Variants in DAB1 observed in about 807,000 individuals in gnomAD.
The protein encoded by DAB1 is disabled homolog 1.
Under a neutral mutation model 64.6 loss-of-function variants are expected in DAB1, and 15 were observed. That is an observed-to-expected ratio of 0.23 (90% CI 0.16 to 0.36). The LOEUF (loss-of-function observed/expected upper bound fraction) is 0.36. Among genes scored for constraint, DAB1 ranks in the 10% least tolerant of loss-of-function variants. DAB1 has a pLI of 1.00. For missense variants in DAB1, 596 were observed against 706.7 expected (o/e 0.84, Z 1.78); for synonymous variants, 235 against 251.9 (o/e 0.93, Z 0.64).
intron 1 of DAB1, among the ~76,000 whole-genome samples, chr1:57,422,255 A>G (rs1684971351): frequency 6.6e-6 from 1 of 152,142 alleles, no homozygotes; most frequent in Non-Finnish European, 1.5e-5. Flanking sequence ...AGTGTATTTA[A>G]CCGGCCAGCA....
intron 1 of DAB1, among the ~76,000 whole-genome samples, chr1:57,344,255 A>G (rs559888360): frequency 6.6e-6 from 1 of 152,138 alleles, no homozygotes; most frequent in Non-Finnish European, 1.5e-5. Flanking sequence ...CATCTGATTC[A>G]TTTTGTAACC....
chr1:58,377,729 C>T (rs1557743845), intron 3 of DAB1, among the ~76,000 whole-genome samples: 1 of 138,242 alleles, frequency 7.2e-6, no homozygotes, highest in Non-Finnish European at 1.6e-5. Context: ...GTTGGCCTGC[C>T]TTGCTAGATT....
chr1:57,116,119 A>T (rs905514984), intron 4 of DAB1, among the ~76,000 whole-genome samples: 2 of 152,070 alleles, frequency 1.3e-5, no homozygotes, highest in Non-Finnish European at 2.9e-5. Context: ...ACTGTTGGGG[A>T]CACGCTTCTC....
rs561279946 is a variant in DAB1 at position 57,667,137 on chromosome 1, A to C, written n.552-17472T>G. Among the ~76,000 whole-genome samples, 6 of 152,280 alleles carry C rather than the reference A, an allele frequency of 3.9e-5. No individual in the cohort carries two copies. The South Asian group carries it at 1.2e-3, about 32-fold the overall frequency. ...TGCATTGGGTATTCCATCTAATCAC[A>C]AACAAATTCTTCCAGATAGTGTGTG... is the stretch of plus-strand genomic sequence containing the variant. On this transcript the variant is annotated intron_variant and non_coding_transcript_variant, in intron 6 of 20. Coordinates refer to the DAB1 transcript ENST00000485760.
chr1:57,148,919 A>G (rs1273659465), intron 2 of DAB1, among the ~76,000 whole-genome samples: 5 of 152,176 alleles, frequency 3.3e-5, no homozygotes, highest in Non-Finnish European at 7.3e-5. Flanking sequence ...TAGTCACAGA[A>G]TTGTATAACC....
At chr1:57,604,142 T>C (rs61637910) in intron 7 of DAB1, among the ~76,000 whole-genome samples, 1 of 152,176 alleles carries the variant, frequency 6.6e-6, no homozygotes, top group Non-Finnish European at 1.5e-5. Context: ...GTGGTGTTTG[T>C]GGAATGCACA....
intron 1 of DAB1, among the ~76,000 whole-genome samples, chr1:57,373,217 A>C (rs1343911540): frequency 6.6e-6 from 1 of 151,992 alleles, no homozygotes; most frequent in Non-Finnish European, 1.5e-5. Context: ...TGAAAGAAAG[A>C]AATGAAGATG....
At chr1:58,536,767 T>C (rs1008187363) in intron 1 of DAB1, 5 of 862,736 alleles carry the variant, frequency 5.8e-6, no homozygotes, top group Non-Finnish European at 1.0e-5. Context: ...AAATTCAAAG[T>C]TCTGAAAATC....
At chr1:57,790,972 A>G (rs1295695484) in intron 6 of DAB1, among the ~76,000 whole-genome samples, 1 of 152,238 alleles carries the variant, frequency 6.6e-6, no homozygotes, top group Non-Finnish European at 1.5e-5. Flanking sequence ...TATTAGTGAC[A>G]ATAGTCATTG....
chr1:57,269,473 GC>G (rs1238678934), intron 2 of DAB1, among the ~76,000 whole-genome samples: 1 of 152,110 alleles, frequency 6.6e-6, no homozygotes, highest in Non-Finnish European at 1.5e-5. Flanking sequence ...GCCCCCTGAA[GC>G]TGTCACCCCC....
rs760050096 is a variant in DAB1, at chr1:57,918,652, G to A, written n.388-34490C>T. ...ATCCTGGCTAACACAGTGAAACCCC[G>A]TCTCTACTAAAAATACAAAAAATTA... On this transcript the variant is annotated intron_variant and non_coding_transcript_variant, in intron 5 of 20. Coordinates refer to the DAB1 transcript ENST00000485760. Among the ~76,000 whole-genome samples, 8 of 151,932 alleles carry A rather than the reference G, an allele frequency of 5.3e-5. No individual in the cohort carries two copies. In the East Asian group the frequency reaches 5.8e-4, roughly 11 times the overall value.
At chr1:58,122,988 A>C (rs1337658184) in intron 5 of DAB1, among the ~76,000 whole-genome samples, 1 of 152,174 alleles carries the variant, frequency 6.6e-6, no homozygotes, top group African/African-American at 2.4e-5. Flanking sequence ...AGAAGTGAGA[A>C]AGTCCTGAAA....
chr1:58,132,612 CT>C (rs1420435355), intron 5 of DAB1, among the ~76,000 whole-genome samples: 1 of 152,232 alleles, frequency 6.6e-6, no homozygotes, highest in Non-Finnish European at 1.5e-5. Context: ...ACTGCCACCC[CT>C]GAAGGAGCTG....
intron 4 of DAB1, among the ~76,000 whole-genome samples, chr1:57,102,850 T>G (rs1187831684): frequency 6.6e-6 from 1 of 152,164 alleles, no homozygotes; most frequent in Non-Finnish European, 1.5e-5. Flanking sequence ...AGAACATACT[T>G]GGGGCCTCCT....
intron 7 of DAB1, among the ~76,000 whole-genome samples, chr1:57,617,390 T>G (rs1243391239): frequency 1.3e-5 from 2 of 152,034 alleles, no homozygotes; most frequent in Non-Finnish European, 2.9e-5. Flanking sequence ...TTCAGCCTGC[T>G]TGTCTCTCTC....
intron 7 of DAB1, among the ~76,000 whole-genome samples, chr1:57,477,200 T>C (rs1217311362): frequency 6.6e-6 from 1 of 152,194 alleles, no homozygotes; most frequent in Admixed American, 6.5e-5. Context: ...TTGAGTGCTG[T>C]GAGGTTTTGA....
chr1:58,504,403 G>A (rs1180811407), intron 3 of DAB1, among the ~76,000 whole-genome samples: 1 of 152,168 alleles, frequency 6.6e-6, no homozygotes, highest in African/African-American at 2.4e-5. Flanking sequence ...TAAAGGACTT[G>A]CTCCCGTGCT....
chr1:57,644,163 T>C (rs1323473241), intron 7 of DAB1, among the ~76,000 whole-genome samples: 1 of 152,112 alleles, frequency 6.6e-6, no homozygotes, highest in Non-Finnish European at 1.5e-5. Flanking sequence ...CTCTCTAGCA[T>C]AGTACTACTT....
At chr1:58,101,632 T>G (rs576205761) in intron 5 of DAB1, among the ~76,000 whole-genome samples, 1 of 152,234 alleles carries the variant, frequency 6.6e-6, no homozygotes, top group Non-Finnish European at 1.5e-5. Context: ...TTTTAATTGA[T>G]TGATTTCTAA....
Sources: allele counts gnomAD v4.1 joint callset (sites outside exome capture counted in the v4.1 genomes callset), GRCh38; gene constraint gnomAD v4.1.1; transcripts MANE v1.5; gene names NCBI Gene and HGNC (gene_info 2026-07-23, HGNC 2026-07-21).